Variants in KIFC3 observed in about 807,000 individuals in gnomAD.
The protein encoded by KIFC3 is kinesin-like protein KIFC3.
Under a neutral mutation model 101.8 loss-of-function variants are expected in KIFC3, and 60 were observed. The observed-to-expected ratio is 0.59, with a 90% CI of 0.48 to 0.73. KIFC3 has a LOEUF of 0.73. KIFC3 is among the 30% of genes least tolerant of loss of function. The pLI is 0.00. For missense variants in KIFC3, 966 were observed against 1,137.1 expected (o/e 0.85, Z 2.16); for synonymous variants, 476 against 482.7 (o/e 0.99, Z 0.18).
In KIFC3 at chr16:57,764,163, C is replaced by T. The variant is rs2050186655; in HGVS notation, c.1597G>A (p.Gly533Ser). ...CIFAYGQTGAGKTYTMEGTAE... is the reference protein window; with the variant it reads ...CIFAYGQTGASKTYTMEGTAE... The stretch of plus-strand genomic sequence containing the variant: ...CCCACCTCCATCGTGTACGTCTTGC[C>T]GGCGCCCGTCTGGCCGTACGCAAAG... The change falls in exon 12 of 20, where the codon GGC becomes AGC. Residue 533 changes from glycine to serine, a missense_variant. Around this residue, in one of 2 missense-constraint regions of KIFC3, gnomAD observed 689 missense variants for 884.6 expected, o/e 0.78. Transcript: ENST00000445690. The T allele has an allele frequency of 6.2e-7, 1 of 1,608,504 alleles. No individual in the cohort carries two copies. Among genetic ancestry groups the T allele is most frequent in the Non-Finnish European group, 8.5e-7 (1 of 1,177,044 alleles).
chr16:57,794,307 C>T (rs1410362560), intron 3 of KIFC3, among the ~76,000 whole-genome samples: 1 of 151,386 alleles, frequency 6.6e-6, no homozygotes, highest in African/African-American at 2.4e-5. Context: ...ATCACTGCAG[C>T]CTCAACCTCC....
chr16:57,856,549 GAAA>G (rs561235610), intron 1 of KIFC3, among the ~76,000 whole-genome samples: 3 of 150,576 alleles, frequency 2.0e-5, no homozygotes, highest in Non-Finnish European at 3.0e-5. Flanking sequence ...AAAGAAGAAA[GAAA>G]AAAAGAAAGA....
intron 3 of KIFC3, among the ~76,000 whole-genome samples, chr16:57,773,553 G>A (rs914833065): frequency 1.3e-5 from 2 of 152,310 alleles, no homozygotes; most frequent in Admixed American, 6.5e-5. Flanking sequence ...GTAATCCGGG[G>A]GGTTAGGTGG....
chr16:57,784,605 C>A (rs930242919), intron 3 of KIFC3, among the ~76,000 whole-genome samples: 2 of 152,150 alleles, frequency 1.3e-5, no homozygotes, highest in African/African-American at 4.8e-5. Flanking sequence ...GAAGGCCAGT[C>A]TGTCAACAGA....
chr16:57,759,043 A>G, intron 19 of KIFC3, 82 bp downstream of exon 19: 1 of 1,541,462 alleles, frequency 6.5e-7, no homozygotes, highest in Non-Finnish European at 8.8e-7. Context: ...CCAGCTCTGA[A>G]CAGCAGAACG....
At chr16:57,810,187 C>CT (rs1160897845) in intron 1 of KIFC3, among the ~76,000 whole-genome samples, 1 of 152,032 alleles carries the variant, frequency 6.6e-6, no homozygotes, top group Non-Finnish European at 1.5e-5. Flanking sequence ...TCAGCTACTA[C>CT]TGGGGGAAAA....
rs1459239314 is a variant in KIFC3, at chr16:57,759,232, CT to C, written c.2477-80del. The C allele has an allele frequency of 8.0e-6, 12 of 1,508,072 alleles. No individual in the cohort carries two copies. The East Asian group carries it at 2.7e-4, about 34-fold the overall frequency. The allele number at this position is 1,508,072 out of a possible 1,614,324, so 93.4% of individuals were successfully genotyped here. On this transcript the variant is annotated intron_variant, in intron 18 of 19. Coordinates refer to ENST00000445690, the MANE Select transcript of KIFC3 (RefSeq NM_001130100.2). The stretch of plus-strand genomic sequence containing the variant: ...CCACAAGACCCTGCTGCTGCTACCC[CT>C]TTGGACTCAAGGATGGGCCAGGCCC...
In KIFC3 at chr16:57,836,954, A is replaced by G. The variant is rs574603939; in HGVS notation, c.108+25775T>C. 4.3e-3 allele frequency among the ~76,000 whole-genome samples: 655 copies of G among 152,302 alleles called. 5 individuals carry two copies. The highest frequency in any genetic ancestry group is 8.0e-3 in the Non-Finnish European group (544 of 68,034). On this transcript the variant is annotated intron_variant, in intron 1 of 2. Coordinates refer to the KIFC3 transcript ENST00000563028. Reference sequence around the variant, plus strand: ...AGTGATACTTCTGCTTTGGTCTCCCAAAGTGTTGAGATTACAGGTGTAAGC... The same window carrying G: ...AGTGATACTTCTGCTTTGGTCTCCCGAAGTGTTGAGATTACAGGTGTAAGC...
chr16:57,804,436 A>G (rs147255372), upstream of KIFC3, among the ~76,000 whole-genome samples: 20 of 152,350 alleles, frequency 1.3e-4, no homozygotes, highest in African/African-American at 4.3e-4. Context: ...TATGACTCCA[A>G]TAGGTACTCA....
chr16:57,847,487 T>A (rs2055957595), intron 1 of KIFC3, among the ~76,000 whole-genome samples: 1 of 151,876 alleles, frequency 6.6e-6, no homozygotes, highest in Non-Finnish European at 1.5e-5. Context: ...CACAGAGAAT[T>A]TATTGGTGTG....
intron 1 of KIFC3, among the ~76,000 whole-genome samples, chr16:57,849,347 G>A (rs769317012): frequency 8.5e-5 from 13 of 152,166 alleles, no homozygotes; most frequent in Non-Finnish European, 1.8e-4. Flanking sequence ...TGTAGATAAT[G>A]ACAATGCAAA....
chr16:57,853,368 G>A (rs1336792402), intron 1 of KIFC3, among the ~76,000 whole-genome samples: 1 of 151,916 alleles, frequency 6.6e-6, no homozygotes, highest in Non-Finnish European at 1.5e-5. Context: ...GCAGTGAGCT[G>A]AGACTGTGCC....
In KIFC3 at chr16:57,758,813, C is replaced by CG. The variant is rs781950362; in HGVS notation, c.*120dup. 9.1e-6 allele frequency: 14 copies of CG among 1,545,776 alleles called. No individual in the cohort carries two copies. Among genetic ancestry groups the CG allele is most frequent in the Admixed American group, 5.0e-5 (3 of 59,908 alleles). On this transcript the variant is annotated 3_prime_UTR_variant, in exon 20 of 20. Transcript: ENST00000445690. ...GAGCCTCCACTCTCGCCTCTACCTC[C>CG]GGGGGTCCTGGCGCTGCAGCAGGGA...
chr16:57,854,393 C>A (rs2056121788), intron 1 of KIFC3, among the ~76,000 whole-genome samples: 1 of 152,148 alleles, frequency 6.6e-6, no homozygotes, highest in Admixed American at 6.5e-5. Flanking sequence ...TTTGGGAGGC[C>A]AAGGCGGGCA....
intron 12 of KIFC3, among the ~76,000 whole-genome samples, chr16:57,763,324 C>T (rs2050083820): frequency 6.6e-6 from 1 of 152,156 alleles, no homozygotes. Flanking sequence ...GGATGCCGCA[C>T]ACATCCCCTT....
chr16:57,769,881 G>A lies in KIFC3; in HGVS notation c.1014C>T (p.Asp338=), dbSNP rs782231213. ...MLEEMQSLEE[D]KNRAIEEAFA... is the part of the protein sequence containing the mutation. ...AGGCCTCCTCAATGGCCCGGTTCTTGTCCTCTTCCAGGGACTGCATCTCCT... is the reference window on the plus strand; with the variant it reads ...AGGCCTCCTCAATGGCCCGGTTCTTATCCTCTTCCAGGGACTGCATCTCCT... The change falls in exon 8 of 20, where the codon GAC becomes GAT. Residue 338 remains aspartate (D), a synonymous_variant. Coordinates refer to ENST00000445690, the MANE Select transcript of KIFC3 (RefSeq NM_001130100.2). This position sits in a 1 kb window ranked among gnomAD's most constrained non-coding sequence, Gnocchi z 4.3. 1.2e-6 allele frequency: 2 copies of A among 1,613,876 alleles called. No homozygotes were observed. The highest frequency in any genetic ancestry group is 1.7e-6 in the Non-Finnish European group (2 of 1,180,020).
intron 1 of KIFC3, among the ~76,000 whole-genome samples, chr16:57,861,066 A>C (rs532376462): frequency 5.3e-5 from 8 of 152,192 alleles, no homozygotes; most frequent in Non-Finnish European, 1.2e-4. Context: ...TAAGAATAGC[A>C]TACTTCATTA....
At chr16:57,842,195 G>A (rs955849818) in intron 1 of KIFC3, among the ~76,000 whole-genome samples, 2 of 151,272 alleles carry the variant, frequency 1.3e-5, no homozygotes, top group East Asian at 1.9e-4. Flanking sequence ...GCGAGACTCC[G>A]TCTCAAAAAA....
chr16:57,822,666 C>G (rs1170221895), intron 1 of KIFC3, among the ~76,000 whole-genome samples: 1 of 152,064 alleles, frequency 6.6e-6, no homozygotes, highest in Non-Finnish European at 1.5e-5. Context: ...CATTGCACTC[C>G]AGCCTGGGCG....
Sources: allele counts gnomAD v4.1 joint callset (sites outside exome capture counted in the v4.1 genomes callset), GRCh38; gene constraint gnomAD v4.1.1; regional missense constraint gnomAD v4.1.1; non-coding constraint Gnocchi (gnomAD v3.1); transcripts MANE v1.5; gene names NCBI Gene and HGNC (gene_info 2026-07-23, HGNC 2026-07-21).